DCC: variants seen among roughly 807,000 people sequenced by gnomAD.
DCC encodes DCC netrin 1 receptor, also known as netrin receptor DCC.
DCC carries 58 observed loss-of-function variants against 172.5 expected under a neutral mutation model. The ratio of observed to expected loss-of-function variants is 0.34; its 90% CI spans 0.27 to 0.42. The LOEUF (loss-of-function observed/expected upper bound fraction) is 0.42, where lower values mean the gene tolerates loss of function less well. DCC is among the 10% of genes least tolerant of loss of function. DCC has a pLI of 1.00. For synonymous variants in DCC, 709 were observed against 644.5 expected (o/e 1.10, Z -1.52); for missense variants, 1,740 against 1,791.0 (o/e 0.97, Z 0.51).
At chr18:52,593,285 GTAAAC>G (rs1390602075) in intron 1 of DCC, among the ~76,000 whole-genome samples, 5 of 152,110 alleles carry the variant, frequency 3.3e-5, no homozygotes, top group Admixed American at 3.3e-4. Context: ...TCAGAACGTG[GTAAAC>G]TACACAAATT....
intron 2 of DCC, among the ~76,000 whole-genome samples, chr18:52,882,838 C>T (rs1274171915): frequency 6.6e-6 from 1 of 152,008 alleles, no homozygotes; most frequent in Non-Finnish European, 1.5e-5. Context: ...AGGATCCGTC[C>T]AATGCTGAAA....
intron 12 of DCC, among the ~76,000 whole-genome samples, chr18:53,219,004 A>T (rs2055893060): frequency 6.6e-6 from 1 of 152,138 alleles, no homozygotes; most frequent in African/African-American, 2.4e-5. Flanking sequence ...GATAGAATTC[A>T]AGTTGCTTGG....
intron 1 of DCC, among the ~76,000 whole-genome samples, chr18:52,487,082 A>G (rs1320665881): frequency 2.6e-5 from 4 of 152,162 alleles, no homozygotes; most frequent in Non-Finnish European, 5.9e-5. Context: ...GCTTCCAGAT[A>G]CGGTGGAATG....
intron 1 of DCC, among the ~76,000 whole-genome samples, chr18:52,452,697 A>G (rs1466169436): frequency 6.6e-6 from 1 of 152,236 alleles, no homozygotes; most frequent in Non-Finnish European, 1.5e-5. Flanking sequence ...CTAGTGGTCC[A>G]GTACAATAAG....
chr18:52,917,305 C>T (rs572421221), intron 3 of DCC, among the ~76,000 whole-genome samples: 1 of 151,906 alleles, frequency 6.6e-6, no homozygotes, highest in South Asian at 2.1e-4. Context: ...GGCAACAGAG[C>T]GAGACAGACT....
chr18:52,779,759 C>T (rs1048745581), intron 2 of DCC, among the ~76,000 whole-genome samples: 17 of 152,182 alleles, frequency 1.1e-4, no homozygotes, highest in Non-Finnish European at 2.5e-4. Flanking sequence ...AACTAATTTA[C>T]ACTCCCACCA....
chr18:53,059,611 A>AGTATTC (rs1400073538), intron 5 of DCC, among the ~76,000 whole-genome samples: 1 of 152,170 alleles, frequency 6.6e-6, no homozygotes, highest in Non-Finnish European at 1.5e-5. Flanking sequence ...ATTTCTGAAA[A>AGTATTC]GTATTCTAAA....
Position 52,743,578 on chromosome 18 carries a change from C to T in DCC, c.92-8476C>T, listed in dbSNP as rs58976311. On this transcript the variant is annotated intron_variant, in intron 1 of 28. Coordinates refer to ENST00000442544, the MANE Select transcript of DCC (RefSeq NM_005215.4). ...AAGTTACTCTCCCGCTCCAACTTAG[C>T]CCTTATTATTGTTCTTTACCATTGG... Among the ~76,000 whole-genome samples, 1,506 of 152,264 alleles carry T rather than the reference C, an allele frequency of 9.9e-3. 17 individuals are homozygous for T. Among genetic ancestry groups the T allele is most frequent in the African/African-American group, 0.035 (1,437 of 41,556 alleles).
intron 7 of DCC, among the ~76,000 whole-genome samples, chr18:53,136,296 C>T (rs1470394035): frequency 6.6e-6 from 1 of 151,394 alleles, no homozygotes; most frequent in Non-Finnish European, 1.5e-5. Flanking sequence ...ATATGCCCAT[C>T]GGGAATATAC....
chr18:53,497,858 A>G (rs940225316), intron 26 of DCC, among the ~76,000 whole-genome samples: 3 of 152,156 alleles, frequency 2.0e-5, no homozygotes, highest in African/African-American at 7.2e-5. Flanking sequence ...CCTAGCCTGG[A>G]AATAAGGCAC....
At chr18:52,656,909 A>G (rs1022299744) in intron 1 of DCC, among the ~76,000 whole-genome samples, 35 of 152,288 alleles carry the variant, frequency 2.3e-4, no homozygotes, top group Non-Finnish European at 4.1e-4. Flanking sequence ...CAGATGGGTC[A>G]GAAATGTCGC....
At chr18:53,111,431 AAAG>A (rs140765552) in intron 7 of DCC, among the ~76,000 whole-genome samples, 75,701 of 147,664 alleles carry the variant, frequency 0.51, 19,977 homozygotes, top group African/African-American at 0.59. Context: ...AAGACAAAAA[AAAG>A]AAAGAAAGAT....
intron 5 of DCC, among the ~76,000 whole-genome samples, chr18:53,023,079 C>T (rs2041903748): frequency 6.6e-6 from 1 of 151,814 alleles, no homozygotes; most frequent in African/African-American, 2.4e-5. Context: ...TTGAAGAGTC[C>T]AATTGAATTA....
intron 1 of DCC, among the ~76,000 whole-genome samples, chr18:52,342,815 G>A (rs865862699): frequency 2.6e-5 from 4 of 152,242 alleles, no homozygotes; most frequent in Middle Eastern, 3.4e-3. Flanking sequence ...ATAGGGTGGG[G>A]GTAGATTAAT....
intron 27 of DCC, among the ~76,000 whole-genome samples, chr18:53,512,282 A>G (rs554556350): frequency 6.7e-6 from 1 of 149,656 alleles, no homozygotes; most frequent in East Asian, 2.0e-4. Flanking sequence ...AACAAACAGA[A>G]AGGACATCCA....
At chr18:53,411,929 T>C (rs1910011783) in intron 20 of DCC, among the ~76,000 whole-genome samples, 2 of 152,162 alleles carry the variant, frequency 1.3e-5, no homozygotes, top group Middle Eastern at 3.2e-3. Flanking sequence ...AAATGCTTCA[T>C]TTTTATCTAT....
chr18:52,890,557 T>C (rs536348969), intron 2 of DCC, among the ~76,000 whole-genome samples: 2 of 152,260 alleles, frequency 1.3e-5, no homozygotes, highest in East Asian at 3.9e-4. Flanking sequence ...GTTAACACTT[T>C]GTAAATTTAC....
At chr18:53,458,910 C>G (rs558342023) in intron 23 of DCC, among the ~76,000 whole-genome samples, 2 of 152,274 alleles carry the variant, frequency 1.3e-5, no homozygotes, top group South Asian at 4.2e-4. Flanking sequence ...TTATGCCTGG[C>G]TCCAAAGATT....
At chr18:53,344,139 T>G (rs1426354209) in intron 15 of DCC, among the ~76,000 whole-genome samples, 1 of 152,072 alleles carries the variant, frequency 6.6e-6, no homozygotes, top group Admixed American at 6.6e-5. Context: ...ACTGTTATCT[T>G]GACTACTTCC....
Sources: gnomAD v4.1 joint callset for allele counts (sites outside exome capture counted in the v4.1 genomes callset) on GRCh38, gnomAD v4.1.1 for gene constraint, MANE v1.5 for transcripts, NCBI Gene and HGNC (gene_info 2026-07-23, HGNC 2026-07-21) for gene names.